Variants in DCC observed in about 807,000 individuals in gnomAD.
DCC encodes the protein netrin receptor DCC.
Under a neutral mutation model 172.5 loss-of-function variants are expected in DCC, and 58 were observed. The ratio of observed to expected loss-of-function variants is 0.34; its 90% CI spans 0.27 to 0.42. The LOEUF is 0.42. DCC is among the 10% of genes least tolerant of loss of function. DCC has a pLI of 1.00. For synonymous variants in DCC, 709 were observed against 644.5 expected (o/e 1.10, Z -1.52); for missense variants, 1,740 against 1,791.0 (o/e 0.97, Z 0.51).
chr18:53,386,181 T>C (rs1908153110), intron 16 of DCC, 43 bp downstream of exon 16: 1 of 1,307,462 alleles, frequency 7.6e-7, no homozygotes, highest in South Asian at 1.2e-5. Flanking sequence ...GTATATTTGA[T>C]TTATGGTGAA....
chr18:53,122,002 T>G (rs897310530), intron 7 of DCC, among the ~76,000 whole-genome samples: 1 of 152,016 alleles, frequency 6.6e-6, no homozygotes, highest in Non-Finnish European at 1.5e-5. Flanking sequence ...AATTTAAAGA[T>G]TCTCTTCTAA....
At chr18:53,218,639 T>C (rs1240462074) in intron 12 of DCC, among the ~76,000 whole-genome samples, 1 of 152,128 alleles carries the variant, frequency 6.6e-6, no homozygotes, top group East Asian at 1.9e-4. Flanking sequence ...ACATGTCAGG[T>C]GAAACTGGGT....
At chr18:52,878,675 T>G (rs540810758) in intron 2 of DCC, among the ~76,000 whole-genome samples, 1 of 152,338 alleles carries the variant, frequency 6.6e-6, no homozygotes, top group Non-Finnish European at 1.5e-5. Context: ...ATTTGTTTAT[T>G]ATCTGATTCT....
chr18:52,528,118 A>G (rs919410823), intron 1 of DCC, among the ~76,000 whole-genome samples: 12 of 152,336 alleles, frequency 7.9e-5, no homozygotes, highest in African/African-American at 2.6e-4. Flanking sequence ...ATTCTCAGGT[A>G]TGAATACTTG....
chr18:52,497,933 G>A (rs185858905), intron 1 of DCC, among the ~76,000 whole-genome samples: 1 of 152,288 alleles, frequency 6.6e-6, no homozygotes, highest in East Asian at 1.9e-4. Flanking sequence ...TTTTGCTACA[G>A]AGGGTCAGAT....
intron 21 of DCC, chr18:53,416,374 C>G: frequency 2.9e-6 from 2 of 690,992 alleles, no homozygotes; most frequent in South Asian, 1.5e-5. Flanking sequence ...TGTTTTGTCT[C>G]CATTCTGAAG....
chr18:52,739,582 A>C (rs1196307777), intron 1 of DCC, among the ~76,000 whole-genome samples: 1 of 152,180 alleles, frequency 6.6e-6, no homozygotes, highest in Non-Finnish European at 1.5e-5. Flanking sequence ...CTATTCAGTG[A>C]AGACTTTCTG....
chr18:52,849,662 A>G (rs1169901361), intron 2 of DCC, among the ~76,000 whole-genome samples: 2 of 152,182 alleles, frequency 1.3e-5, no homozygotes, highest in Admixed American at 1.3e-4. Context: ...CCCGAGCACC[A>G]AAGTTCATAA....
intron 1 of DCC, among the ~76,000 whole-genome samples, chr18:52,689,295 T>C (rs1269862161): frequency 6.6e-6 from 1 of 152,160 alleles, no homozygotes; most frequent in African/African-American, 2.4e-5. Context: ...CAGTAGGTTA[T>C]TGAAAGCATC....
chr18:53,433,622 A>G (rs1170147732), intron 21 of DCC, among the ~76,000 whole-genome samples: 1 of 152,002 alleles, frequency 6.6e-6, no homozygotes, highest in South Asian at 2.1e-4. Context: ...TCTCGTGGGC[A>G]AAGCTTATCC....
chr18:53,433,862 C>T (rs143268478), intron 21 of DCC, among the ~76,000 whole-genome samples: 6 of 152,142 alleles, frequency 3.9e-5, no homozygotes, highest in African/African-American at 1.2e-4. Flanking sequence ...TTAAACATGC[C>T]GTTTTATGCT....
intron 1 of DCC, among the ~76,000 whole-genome samples, chr18:52,654,139 C>T (rs1411377945): frequency 1.3e-5 from 2 of 152,120 alleles, no homozygotes; most frequent in African/African-American, 4.8e-5. Context: ...TCACATATTG[C>T]CAATAGAAAA....
At chr18:53,143,901 C>T (rs1016904236) in intron 7 of DCC, among the ~76,000 whole-genome samples, 2 of 152,172 alleles carry the variant, frequency 1.3e-5, no homozygotes, top group Non-Finnish European at 2.9e-5. Context: ...AATTTTCACA[C>T]TTTGAAGGTG....
intron 2 of DCC, among the ~76,000 whole-genome samples, chr18:52,829,034 T>C (rs2038564652): frequency 6.6e-6 from 1 of 152,184 alleles, no homozygotes; most frequent in Non-Finnish European, 1.5e-5. Flanking sequence ...TACAATTAGG[T>C]CAAATTAAAT....
intron 1 of DCC, among the ~76,000 whole-genome samples, chr18:52,567,776 A>G (rs2033194418): frequency 6.6e-6 from 1 of 152,092 alleles, no homozygotes; most frequent in South Asian, 2.1e-4. Flanking sequence ...ATGTCCATGC[A>G]CTTGTACCCC....
chr18:53,043,982 T>G (rs1363418225), intron 5 of DCC, among the ~76,000 whole-genome samples: 1 of 151,848 alleles, frequency 6.6e-6, no homozygotes, highest in African/African-American at 2.4e-5. Flanking sequence ...AGAATGTATT[T>G]CCCTAGATCT....
intron 26 of DCC, among the ~76,000 whole-genome samples, chr18:53,491,272 T>C (rs2045956582): frequency 6.6e-6 from 1 of 152,202 alleles, no homozygotes; most frequent in Admixed American, 6.5e-5. Context: ...TCAGAATTCA[T>C]GTGAAATATG....
chr18:52,779,669 A>G (rs1349691418), intron 2 of DCC, among the ~76,000 whole-genome samples: 2 of 152,220 alleles, frequency 1.3e-5, no homozygotes, highest in Non-Finnish European at 2.9e-5. Context: ...GTATATATCC[A>G]GTAATGGGAT....
chr18:52,813,387 A>C (rs2038234872), intron 2 of DCC, among the ~76,000 whole-genome samples: 1 of 152,204 alleles, frequency 6.6e-6, no homozygotes, highest in African/African-American at 2.4e-5. Context: ...GAGGGGGAAC[A>C]GTACAGAATG....
Sources: gnomAD v4.1 joint callset for allele counts (sites outside exome capture counted in the v4.1 genomes callset) on GRCh38, gnomAD v4.1.1 for gene constraint, MANE v1.5 for transcripts, NCBI Gene and HGNC (gene_info 2026-07-23, HGNC 2026-07-21) for gene names.